The following KCNAB1 variants were observed in gnomAD, a reference collection of about 807,000 sequenced individuals.
KCNAB1 encodes potassium voltage-gated channel subfamily A regulatory beta subunit 1, also known as voltage-gated potassium channel subunit beta-1.
A neutral mutation model predicts 64.6 loss-of-function variants in KCNAB1; 35 were observed. The observed-to-expected ratio is 0.54, with a 90% CI of 0.41 to 0.72. The LOEUF (loss-of-function observed/expected upper bound fraction) is 0.72. KCNAB1 is among the 30% of genes least tolerant of loss of function. The pLI is 0.00. For synonymous variants in KCNAB1, 177 were observed against 183.8 expected (o/e 0.96, Z 0.30); for missense variants, 401 against 512.9 (o/e 0.78, Z 2.11).
intron 1 of KCNAB1, among the ~76,000 whole-genome samples, chr3:156,193,112 T>C (rs1383050328): frequency 6.6e-6 from 1 of 152,108 alleles, no homozygotes; most frequent in Non-Finnish European, 1.5e-5. Context: ...TCTTTATGGA[T>C]TAATTATATT....
intron 12 of KCNAB1, among the ~76,000 whole-genome samples, chr3:156,526,638 G>A (rs1345171530): frequency 1.3e-5 from 2 of 152,144 alleles, no homozygotes; most frequent in African/African-American, 4.8e-5. Flanking sequence ...CCTTACTAGG[G>A]GATATTTGTC....
chr3:156,295,132 A>T (rs1029791141), intron 1 of KCNAB1, among the ~76,000 whole-genome samples: 5 of 151,260 alleles, frequency 3.3e-5, no homozygotes, highest in Non-Finnish European at 4.4e-5. Flanking sequence ...CTATGAAGTT[A>T]TTTTTTTTTG....
At chr3:156,292,371 A>G (rs1472018356) in intron 1 of KCNAB1, among the ~76,000 whole-genome samples, 1 of 152,198 alleles carries the variant, frequency 6.6e-6, no homozygotes, top group South Asian at 2.1e-4. Context: ...TTTAGAAACT[A>G]TGTACATTCC....
intron 1 of KCNAB1, among the ~76,000 whole-genome samples, chr3:156,315,705 A>G (rs935241576): frequency 6.6e-6 from 1 of 152,212 alleles, no homozygotes; most frequent in Non-Finnish European, 1.5e-5. Context: ...TTCATGTGGG[A>G]TAAAACCACT....
At chr3:156,182,662 TGTCCCAACAAGGTATCTTCCTAAA>T (rs1259387615) in intron 1 of KCNAB1, among the ~76,000 whole-genome samples, 1 of 150,182 alleles carries the variant, frequency 6.7e-6, no homozygotes, top group Admixed American at 6.7e-5. Context: ...TCTACCCAAA[TGTCCCAACAAGGTATCTTCCTAAA>T]GTAAGACAAT....
intron 1 of KCNAB1, among the ~76,000 whole-genome samples, chr3:156,174,186 AAG>A (rs1712197010): frequency 6.6e-6 from 1 of 152,224 alleles, no homozygotes; most frequent in Non-Finnish European, 1.5e-5. Context: ...TTTGGGGACA[AAG>A]ATATTGCTCA....
chr3:156,330,345 G>A (rs1025717531), intron 1 of KCNAB1, among the ~76,000 whole-genome samples: 6 of 151,966 alleles, frequency 3.9e-5, no homozygotes, highest in African/African-American at 9.7e-5. Flanking sequence ...GAGCAGCATC[G>A]GCCTGTTTCC....
intron 1 of KCNAB1, among the ~76,000 whole-genome samples, chr3:156,306,431 G>A (rs1195584009): frequency 6.6e-6 from 1 of 152,218 alleles, no homozygotes; most frequent in Non-Finnish European, 1.5e-5. Flanking sequence ...TGGTTGTACT[G>A]GGGTAAGTTT....
chr3:156,212,393 TA>T (rs955903478), intron 1 of KCNAB1, among the ~76,000 whole-genome samples: 1 of 152,152 alleles, frequency 6.6e-6, no homozygotes, highest in Non-Finnish European at 1.5e-5. Context: ...CTTTTATGAA[TA>T]AAAAAATGCT....
chr3:156,480,944 AAGCTCCAAAGTTAAAT>A (rs1714753655), intron 8 of KCNAB1, among the ~76,000 whole-genome samples: 1 of 152,120 alleles, frequency 6.6e-6, no homozygotes, highest in Non-Finnish European at 1.5e-5. Flanking sequence ...TGAATGAATA[AAGCTCCAAAGTTAAAT>A]AGCTCCAACT....
intron 2 of KCNAB1, among the ~76,000 whole-genome samples, chr3:156,423,353 T>C (rs1365622111): frequency 6.6e-6 from 1 of 152,138 alleles, no homozygotes; most frequent in Non-Finnish European, 1.5e-5. Context: ...AAGGAGACAG[T>C]ACATGAAAGA....
intron 1 of KCNAB1, among the ~76,000 whole-genome samples, chr3:156,256,965 G>A (rs1326817405): frequency 6.6e-6 from 1 of 152,188 alleles, no homozygotes; most frequent in East Asian, 1.9e-4. Flanking sequence ...ATGTGTCTGG[G>A]TTCTGGTGAC....
Position 156,205,211 on chromosome 3 carries a change from G to A in KCNAB1, c.275+84325G>A, listed in dbSNP as rs552660040. ...CTCAAGCTTAATTTTCATAGATTGA[G>A]CTATATTGGTTCTATATCTGTGTCC... On this transcript the variant is annotated intron_variant, in intron 1 of 13. Transcript: ENST00000490337. Among the ~76,000 whole-genome samples the A allele has an allele frequency of 5.3e-5, 8 of 152,234 alleles. No homozygotes were observed. In the East Asian group the frequency reaches 1.5e-3, roughly 29 times the overall value.
intron 2 of KCNAB1, among the ~76,000 whole-genome samples, chr3:156,445,596 G>A (rs1717355729): frequency 1.3e-5 from 2 of 152,206 alleles, no homozygotes; most frequent in Non-Finnish European, 2.9e-5. Context: ...TCTGGTTAGA[G>A]ACACTTTCTT....
intron 1 of KCNAB1, among the ~76,000 whole-genome samples, chr3:156,281,225 T>G (rs1338021057): frequency 8.0e-5 from 12 of 149,826 alleles, no homozygotes; most frequent in Non-Finnish European, 1.5e-5. Context: ...GAGATAATCA[T>G]GTGGTTTTTG....
At chr3:156,315,317 A>G (rs924921610) in intron 1 of KCNAB1, among the ~76,000 whole-genome samples, 1 of 151,916 alleles carries the variant, frequency 6.6e-6, no homozygotes, top group Non-Finnish European at 1.5e-5. Flanking sequence ...GGTATAGGCT[A>G]TAGTACACTC....
chr3:156,345,252 C>T (rs1008044433), intron 1 of KCNAB1, among the ~76,000 whole-genome samples: 1 of 152,000 alleles, frequency 6.6e-6, no homozygotes, highest in Admixed American at 6.6e-5. Context: ...AATTTAGTTA[C>T]TTTTTTAAAT....
chr3:156,537,215 T>G lies in KCNAB1; in HGVS notation c.*468T>G, dbSNP rs1719117094. 1 of 387,512 alleles carries G rather than the reference T, an allele frequency of 2.6e-6. No homozygotes were observed. The highest frequency in any genetic ancestry group is 4.5e-6 in the Non-Finnish European group (1 of 222,886). The allele number at this position is 387,512 out of a possible 1,614,324, so 24.0% of individuals were successfully genotyped here. On this transcript the variant is annotated 3_prime_UTR_variant, in exon 14 of 14. Transcript: ENST00000490337. ...AGTAAATAGATTATTGTTAAGTAAA[T>G]AGTTATTAAAAATATATCTCACTGC...
At chr3:156,220,500 G>A (rs536116887) in intron 1 of KCNAB1, among the ~76,000 whole-genome samples, 3 of 152,244 alleles carry the variant, frequency 2.0e-5, no homozygotes, top group African/African-American at 7.2e-5. Flanking sequence ...GTGTCTGTTG[G>A]CTGCATAAAT....
Sources: gnomAD v4.1 joint callset for allele counts (sites outside exome capture counted in the v4.1 genomes callset) on GRCh38, gnomAD v4.1.1 for gene constraint, MANE v1.5 for transcripts, NCBI Gene and HGNC (gene_info 2026-07-23, HGNC 2026-07-21) for gene names.